SLC25A23: variants seen among roughly 807,000 people sequenced by gnomAD.
SLC25A23 encodes mitochondrial adenyl nucleotide antiporter SLC25A23.
A neutral mutation model predicts 53.9 loss-of-function variants in SLC25A23; 32 were observed. The observed-to-expected ratio is 0.59, with a 90% CI of 0.45 to 0.80. SLC25A23 has a LOEUF of 0.80. Ranked by LOEUF, SLC25A23 falls within the 30% of genes least tolerant of loss-of-function variation. SLC25A23 has a pLI of 0.00. For missense variants in SLC25A23, 575 were observed against 651.4 expected (o/e 0.88, Z 1.28); for synonymous variants, 275 against 264.5 (o/e 1.04, Z -0.38).
intron 7 of SLC25A23, among the ~76,000 whole-genome samples, chr19:6,453,349 C>A (rs1288147672): frequency 8.0e-5 from 12 of 150,792 alleles, no homozygotes; most frequent in Non-Finnish European, 4.4e-5. Flanking sequence ...AAGCCATTCT[C>A]CTGCCTCAGC....
At position 6,459,608 on chromosome 19, in the gene SLC25A23, G is replaced by A; in HGVS notation, c.21C>T (p.Asp7=). The A allele has an allele frequency of 6.5e-7, 1 of 1,527,564 alleles. No individual in the cohort carries two copies. The highest frequency in any genetic ancestry group is 8.7e-7 in the Non-Finnish European group (1 of 1,143,796). The allele number at this position is 1,527,564 out of a possible 1,614,324, so 94.6% of individuals were successfully genotyped here. A position where few individuals can be genotyped will look rare whatever the true frequency, so the allele number is the denominator to read the frequency against. The change falls in exon 1 of 10, where the codon GAC becomes GAT. Residue 7 remains aspartate (D), a synonymous_variant. Transcript: ENST00000301454. This position sits in a 1 kb window ranked among gnomAD's most constrained non-coding sequence, Gnocchi z 4.6. The part of the protein sequence containing the change: MRGSPG[D]AERRQRWGRL... ...GACCCCAGCGCTGCCGCCGCTCCGC[G>A]TCGCCCGGGCTCCCCCGCATGGCGC...
At chr19:6,448,459 C>T (rs1227905942) in intron 8 of SLC25A23, among the ~76,000 whole-genome samples, 2 of 151,836 alleles carry the variant, frequency 1.3e-5, no homozygotes, top group East Asian at 3.9e-4. Context: ...GTGGCTCATG[C>T]CTGTAATCCC....
At chr19:6,443,888 G>A (rs1189315097) in intron 9 of SLC25A23, among the ~76,000 whole-genome samples, 2 of 152,176 alleles carry the variant, frequency 1.3e-5, no homozygotes, top group Non-Finnish European at 2.9e-5. Flanking sequence ...TTACCAGCCT[G>A]GAAATGCTAG....
Position 6,459,058 on chromosome 19 carries a change from G to A in SLC25A23, c.156+415C>T, listed in dbSNP as rs1401394353. Among the ~76,000 whole-genome samples, 1 of 152,232 alleles carries A rather than the reference G, an allele frequency of 6.6e-6. No homozygotes were observed. Among genetic ancestry groups the A allele is most frequent in the Non-Finnish European group, 1.5e-5 (1 of 68,026 alleles). On this transcript the variant is annotated intron_variant, in intron 1 of 9. Transcript: ENST00000301454. This position sits in a 1 kb window ranked among gnomAD's most constrained non-coding sequence, Gnocchi z 4.6. ...CCCATGAAAGGGCAGGCCAGGGAAT[G>A]TAAACACAGGGATCGGGGCAGCTGC...
At chr19:6,452,613 T>C (rs2092609157) in intron 7 of SLC25A23, 134 bp from the exon 8 acceptor site, 2 of 1,062,394 alleles carry the variant, frequency 1.9e-6, no homozygotes, top group Admixed American at 6.1e-5. Flanking sequence ...CCACCTACTC[T>C]AGAATCTTCT....
chr19:6,458,928 G>A (rs1290928447), intron 1 of SLC25A23, among the ~76,000 whole-genome samples: 7 of 152,194 alleles, frequency 4.6e-5, no homozygotes, highest in African/African-American at 1.4e-4. Flanking sequence ...GGGGGCAGCG[G>A]GAGGAAAGTC....
At position 6,444,402 on chromosome 19, in the gene SLC25A23, T is replaced by C. The variant is rs1195069332; in HGVS notation, c.1072-101A>G. On this transcript the variant is annotated intron_variant, in intron 8 of 9. Coordinates refer to ENST00000301454, the MANE Select transcript of SLC25A23 (RefSeq NM_024103.3). ...TTCTGTATCCCATGACAGGTGCTAC[T>C]AGCTGAGCACTTGGTACCTCCTAGG... The C allele has an allele frequency of 3.1e-6, 4 of 1,299,276 alleles. No individual in the cohort carries two copies. The East Asian group carries it at 1.0e-4, about 33-fold the overall frequency. The allele number at this position is 1,299,276 out of a possible 1,614,324, so 80.5% of individuals were successfully genotyped here.
chr19:6,456,274 C>T, intron 4 of SLC25A23, 146 bp downstream of exon 4: 1 of 941,600 alleles, frequency 1.1e-6, no homozygotes, highest in Non-Finnish European at 1.6e-6. Context: ...AAGAGAGGAA[C>T]AGACCCTCAT....
intron 8 of SLC25A23, among the ~76,000 whole-genome samples, chr19:6,451,656 C>A (rs185683696): frequency 6.6e-6 from 1 of 152,130 alleles, no homozygotes; most frequent in Non-Finnish European, 1.5e-5. Flanking sequence ...GAACTGTCTG[C>A]ACCTGCCTGT....
chr19:6,457,224 G>A lies in SLC25A23; in HGVS notation c.371+279C>T, dbSNP rs566254588. Among the ~76,000 whole-genome samples, 342 of 151,786 alleles carry A rather than the reference G, an allele frequency of 2.3e-3. No homozygotes were observed. The highest frequency in any genetic ancestry group is 4.0e-3 in the Non-Finnish European group (269 of 67,908). ...TGGAATTACAGGCATGCACCACCACGCCTGGCCAATGTTTGTATTTTTAGT... is the reference window on the plus strand; with the variant it reads ...TGGAATTACAGGCATGCACCACCACACCTGGCCAATGTTTGTATTTTTAGT... On this transcript the variant is annotated intron_variant, in intron 3 of 9. Transcript: ENST00000301454.
Position 6,442,164 on chromosome 19 carries a change from G to GT in SLC25A23, c.1223-6_1223-5insA. 1.3e-6 allele frequency: 2 copies of GT among 1,497,578 alleles called. No homozygotes were observed. Among genetic ancestry groups the GT allele is most frequent in the Non-Finnish European group, 1.8e-6 (2 of 1,111,210 alleles). 92.8% of individuals were successfully genotyped at this position (1,497,578 alleles called of 1,614,324 possible). On this transcript the variant is annotated splice_region_variant and splice_polypyrimidine_tract_variant and intron_variant, in intron 9 of 9. Transcript: ENST00000301454. ...GGGGGCCACCCTCGATGGAGGCTGG[G>GT]AGGGGGCGGGGGGGGCACCAGGTAA...
intron 2 of SLC25A23, 145 bp downstream of exon 2, chr19:6,458,053 G>A (rs2092705603): frequency 1.8e-6 from 2 of 1,098,168 alleles, no homozygotes; most frequent in African/African-American, 1.6e-5. Flanking sequence ...GGGGTGAGGA[G>A]TGCTCCTGAA....
downstream of SLC25A23, among the ~76,000 whole-genome samples, chr19:6,439,611 T>C (rs142880112): frequency 0.018 from 2,709 of 152,014 alleles, 79 homozygotes; most frequent in African/African-American, 0.062. Flanking sequence ...GGTGGATCAC[T>C]TGAGGTCAGG....
At chr19:6,436,169 T>A (rs2092311636), downstream of SLC25A23, 7 of 227,048 alleles carry the variant, frequency 3.1e-5, no homozygotes, top group South Asian at 3.7e-4. Context: ...CAACAAACAT[T>A]TATCATCTCA....
At chr19:6,444,333 G>A (rs777008831) in intron 8 of SLC25A23, 32 bp from the exon 9 acceptor site, 5 of 1,531,524 alleles carry the variant, frequency 3.3e-6, no homozygotes, top group South Asian at 1.2e-5. Context: ...GGAGGGTTGG[G>A]GTGGGTGACC....
intron 4 of SLC25A23, among the ~76,000 whole-genome samples, chr19:6,455,005 C>T (rs1266078096): frequency 6.6e-6 from 1 of 152,144 alleles, no homozygotes; most frequent in African/African-American, 2.4e-5. Flanking sequence ...AAGATCCCTC[C>T]AGGCTAGATG....
At chr19:6,448,168 C>G (rs538176519) in intron 8 of SLC25A23, among the ~76,000 whole-genome samples, 16 of 152,232 alleles carry the variant, frequency 1.1e-4, no homozygotes, top group African/African-American at 3.9e-4. Context: ...TGCTTTGCGG[C>G]TGGGAGAGGC....
chr19:6,456,683 T>C (rs2092686832), intron 3 of SLC25A23, 152 bp from the exon 4 acceptor site: 1 of 608,268 alleles, frequency 1.6e-6, no homozygotes, highest in South Asian at 2.0e-5. Flanking sequence ...ATCATTTTCT[T>C]TTTTCTTTTT....
At chr19:6,458,669 A>AT (rs2092716902) in intron 1 of SLC25A23, among the ~76,000 whole-genome samples, 1 of 151,148 alleles carries the variant, frequency 6.6e-6, no homozygotes, top group African/African-American at 2.4e-5. Context: ...AGTTTTTGTT[A>AT]TTTTTTTAGG....
Sources: allele counts gnomAD v4.1 joint callset (sites outside exome capture counted in the v4.1 genomes callset), GRCh38; gene constraint gnomAD v4.1.1; non-coding constraint Gnocchi (gnomAD v3.1); transcripts MANE v1.5; gene names NCBI Gene and HGNC (gene_info 2026-07-23, HGNC 2026-07-21).